The following CPAMD8 variants were observed in gnomAD, a reference collection of about 807,000 sequenced individuals.
CPAMD8 encodes the protein C3 and PZP like alpha-2-macroglobulin domain containing 8, also known as C3 and PZP-like alpha-2-macroglobulin domain-containing protein 8.
A neutral mutation model predicts 224.7 loss-of-function variants in CPAMD8; 146 were observed. That is an observed-to-expected ratio of 0.65 (90% confidence interval 0.57 to 0.75). The LOEUF (loss-of-function observed/expected upper bound fraction) is 0.75. Among genes scored for constraint, CPAMD8 ranks in the 30% least tolerant of loss-of-function variants. The probability of loss-of-function intolerance (pLI) is 0.00; values close to 1 mark genes in which losing one functional copy is unlikely to be tolerated. For missense variants in CPAMD8, 2,301 were observed against 2,537.5 expected (o/e 0.91, Z 2.00); for synonymous variants, 966 against 1,044.6 (o/e 0.92, Z 1.45).
In CPAMD8 at chr19:17,026,690, G is replaced by A; in HGVS notation, c.-48C>T. On this transcript the variant is annotated 5_prime_UTR_variant, in exon 1 of 42. Transcript: ENST00000443236. Reference sequence around the variant, plus strand: ...GCGCCTGGGGAGGGGGCCGGGCCAGGGCTGGGCCAGGGCCAGGGTCCGAGC... The same window carrying A: ...GCGCCTGGGGAGGGGGCCGGGCCAGAGCTGGGCCAGGGCCAGGGTCCGAGC... The A allele has an allele frequency of 1.5e-6, 2 of 1,333,312 alleles. No homozygotes were observed. Among genetic ancestry groups the A allele is most frequent in the Non-Finnish European group, 1.9e-6 (2 of 1,045,582 alleles). 82.6% of individuals were successfully genotyped at this position (1,333,312 alleles called of 1,614,324 possible). A position where few individuals can be genotyped will look rare whatever the true frequency, so the allele number is the denominator to read the frequency against.
intron 23 of CPAMD8, among the ~76,000 whole-genome samples, chr19:16,936,945 T>C (rs1360218358): frequency 2.0e-5 from 3 of 152,210 alleles, no homozygotes; most frequent in Admixed American, 2.0e-4. Context: ...AACTATATGC[T>C]TGGCTCTAGG....
At chr19:16,981,151 G>A (rs779927067) in intron 13 of CPAMD8, among the ~76,000 whole-genome samples, 1 of 151,948 alleles carries the variant, frequency 6.6e-6, no homozygotes, top group Non-Finnish European at 1.5e-5. Flanking sequence ...CCAGAAGTTA[G>A]AGAGCAGCCT....
chr19:16,946,583 A>G (rs2054103021), intron 21 of CPAMD8, among the ~76,000 whole-genome samples: 1 of 130,378 alleles, frequency 7.7e-6, no homozygotes, highest in African/African-American at 3.1e-5. Flanking sequence ...GTGTATATGC[A>G]CGTCTACACG....
intron 17 of CPAMD8, 111 bp downstream of exon 17, chr19:16,974,986 A>C: frequency 7.1e-7 from 1 of 1,400,080 alleles, no homozygotes. Flanking sequence ...AAAAAAAGAA[A>C]GAAAAGCTTC....
Position 16,914,791 on chromosome 19 carries a change from A to T in CPAMD8, c.3652T>A (p.Ser1218Thr), listed in dbSNP as rs556580109. ...SMWLTAFVLK[S>T]FAQARSFIFV... is the part of the protein sequence containing the mutation. ...ATAAAGCTGCGAGCCTGTGCGAAGG[A>T]CTTCAGGACAAAGGCTGTGAGCCTG... is the stretch of plus-strand genomic sequence containing the variant. The change falls in exon 28 of 42, where the codon TCC becomes ACC. Residue 1218 changes from serine (S) to threonine (T), a missense_variant. Around this residue, in one of 4 missense-constraint regions of CPAMD8, gnomAD observed 1,709 missense variants for 1,753.2 expected, o/e 0.97. Coordinates refer to ENST00000443236, the MANE Select transcript of CPAMD8 (RefSeq NM_015692.5). The T allele has an allele frequency of 4.2e-5, 68 of 1,612,608 alleles. No individual in the cohort carries two copies. In the South Asian group the frequency reaches 7.3e-4, roughly 17 times the overall value.
chr19:17,004,102 C>T (rs957805948), intron 8 of CPAMD8, among the ~76,000 whole-genome samples, 171 bp downstream of exon 8: 2 of 151,870 alleles, frequency 1.3e-5, no homozygotes, highest in African/African-American at 2.4e-5. Flanking sequence ...CACGAGGTTT[C>T]GCCATGTTGG....
intron 41 of CPAMD8, 27 bp from the exon 42 acceptor site, chr19:16,893,366 A>G (rs771836149): frequency 3.5e-6 from 5 of 1,441,462 alleles, no homozygotes; most frequent in Non-Finnish European, 4.7e-6. Flanking sequence ...ATCTTACAAC[A>G]TCCTCTACAG....
In CPAMD8 at chr19:16,974,886, G is replaced by A. The variant is rs368318071; in HGVS notation, c.2070+211C>T. Reference sequence around the variant, plus strand: ...GCTACTTGGGAGACTGAGGTGGGAGGATCACTTGAGCACAGGTGTTTGAGG... The same window carrying A: ...GCTACTTGGGAGACTGAGGTGGGAGAATCACTTGAGCACAGGTGTTTGAGG... On this transcript the variant is annotated intron_variant, in intron 17 of 41. Coordinates refer to ENST00000443236, the MANE Select transcript of CPAMD8 (RefSeq NM_015692.5). 6.8e-4 allele frequency among the ~76,000 whole-genome samples: 103 copies of A among 152,082 alleles called. 1 individual carries two copies. The highest frequency in any genetic ancestry group is 2.4e-3 in the African/African-American group (98 of 41,488).
intron 13 of CPAMD8, among the ~76,000 whole-genome samples, chr19:16,987,179 A>AAAAAAAATATATATATAT (rs1555784836): frequency 1.9e-5 from 1 of 53,920 alleles, no homozygotes; most frequent in Non-Finnish European, 2.9e-5. Flanking sequence ...AAAAAAAAAA[A>AAAAAAAATATATATATAT]ATATATATAT....
chr19:16,907,967 C>T (rs997103611), intron 29 of CPAMD8, among the ~76,000 whole-genome samples: 1 of 152,170 alleles, frequency 6.6e-6, no homozygotes, highest in African/African-American at 2.4e-5. Context: ...CCAGGATGCC[C>T]AAGTGCATGG....
intron 11 of CPAMD8, 40 bp from the exon 12 acceptor site, chr19:16,993,626 C>T (rs1446115684): frequency 8.8e-6 from 14 of 1,585,560 alleles, no homozygotes; most frequent in Non-Finnish European, 1.2e-5. Context: ...GTTAAGACGG[C>T]CATGCTCCCC....
At chr19:16,960,211 C>CA (rs113199607) in intron 18 of CPAMD8, among the ~76,000 whole-genome samples, 16,405 of 135,136 alleles carry the variant, frequency 0.12, 2,394 homozygotes, top group African/African-American at 0.35. Context: ...TCTCCTTTCT[C>CA]AAAAAAAAAA....
chr19:16,945,474 C>T (rs1327597816), intron 22 of CPAMD8, 75 bp downstream of exon 22: 26 of 1,568,474 alleles, frequency 1.7e-5, no homozygotes, highest in Non-Finnish European at 2.2e-5. Flanking sequence ...AGACCACACA[C>T]TCCAGCTGGG....
intron 35 of CPAMD8, 23 bp downstream of exon 35, chr19:16,902,626 G>T (rs778992773): frequency 7.2e-6 from 11 of 1,522,922 alleles, no homozygotes; most frequent in Admixed American, 1.8e-5. Flanking sequence ...GGATGCCCAC[G>T]CCAGCAGGGC....
At chr19:16,925,159 T>C (rs764464250) in intron 26 of CPAMD8, 37 bp downstream of exon 26, 12 of 1,609,522 alleles carry the variant, frequency 7.5e-6, no homozygotes, top group African/African-American at 1.3e-5. Context: ...CTGCCTCCCT[T>C]GCTCCCACCT....
intron 27 of CPAMD8, among the ~76,000 whole-genome samples, chr19:16,916,401 C>G (rs922698187): frequency 1.3e-5 from 2 of 151,962 alleles, no homozygotes; most frequent in African/African-American, 4.8e-5. Flanking sequence ...CTGGGATTGC[C>G]ACCATGCCCA....
chr19:16,996,616 C>T (rs892301998), intron 11 of CPAMD8, among the ~76,000 whole-genome samples: 28 of 151,950 alleles, frequency 1.8e-4, no homozygotes, highest in African/African-American at 5.3e-4. Context: ...GCCAGGAGTT[C>T]GAGACCAGCC....
chr19:17,008,450 T>A, intron 7 of CPAMD8, 55 bp downstream of exon 7: 1 of 1,600,744 alleles, frequency 6.2e-7, no homozygotes, highest in Non-Finnish European at 8.5e-7. Context: ...ATATTCTGTT[T>A]TCCTGGAAGG....
intron 10 of CPAMD8, among the ~76,000 whole-genome samples, chr19:16,998,887 T>C (rs1440190348): frequency 6.6e-6 from 1 of 152,108 alleles, no homozygotes; most frequent in Non-Finnish European, 1.5e-5. Flanking sequence ...GGGATGTTCA[T>C]AGTAGCATGA....
Sources: allele counts gnomAD v4.1 joint callset (sites outside exome capture counted in the v4.1 genomes callset), GRCh38; gene constraint gnomAD v4.1.1; regional missense constraint gnomAD v4.1.1; transcripts MANE v1.5; gene names NCBI Gene and HGNC (gene_info 2026-07-23, HGNC 2026-07-21).